Variants in MBOAT1 observed in about 807,000 individuals in gnomAD.
MBOAT1 encodes the protein membrane bound glycerophospholipid O-acyltransferase 1.
A neutral mutation model predicts 64.4 loss-of-function variants in MBOAT1; 67 were observed. The observed-to-expected ratio is 1.04, with a 90% confidence interval of 0.85 to 1.27. The LOEUF (loss-of-function observed/expected upper bound fraction) is 1.27. Ranked by LOEUF, MBOAT1 falls within the 50% of genes most tolerant of loss-of-function variation. The pLI is 0.00. For synonymous variants in MBOAT1, 229 were observed against 218.9 expected, an observed-to-expected ratio of 1.05 and a Z score of -0.41; for missense variants, 563 against 604.6, an observed-to-expected ratio of 0.93 and a Z score of 0.72.
chr6:20,211,325 C>A (rs1032857920), intron 1 of MBOAT1, among the ~76,000 whole-genome samples: 7 of 152,154 alleles, frequency 4.6e-5, no homozygotes, highest in African/African-American at 1.7e-4. Context: ...GCATGCCCTG[C>A]CCAATTCTAT....
chr6:20,184,433 A>G (rs529328568), intron 1 of MBOAT1, among the ~76,000 whole-genome samples: 1 of 152,284 alleles, frequency 6.6e-6, no homozygotes, highest in African/African-American at 2.4e-5. Context: ...TGTAGCCCAC[A>G]CTGGCAGACA....
intron 3 of MBOAT1, among the ~76,000 whole-genome samples, chr6:20,146,383 C>T (rs973742998): frequency 6.6e-6 from 1 of 152,200 alleles, no homozygotes; most frequent in African/African-American, 2.4e-5. Flanking sequence ...CTTTTATGTG[C>T]TCTTTACCAT....
intron 11 of MBOAT1, among the ~76,000 whole-genome samples, chr6:20,112,622 A>C (rs1001343632): frequency 6.6e-6 from 1 of 152,230 alleles, no homozygotes; most frequent in Non-Finnish European, 1.5e-5. Context: ...AGGGTACTAA[A>C]CATTGTCCCT....
chr6:20,152,560 TC>T, intron 2 of MBOAT1, 63 bp downstream of exon 2: 5 of 1,525,186 alleles, frequency 3.3e-6, no homozygotes, highest in Non-Finnish European at 4.4e-6. Context: ...TTAGTGCAAT[TC>T]CAAGGACATT....
chr6:20,168,640 A>AGAGGAGAGGAGAGGAGAG (rs1762096764), intron 1 of MBOAT1, among the ~76,000 whole-genome samples: 14 of 53,622 alleles, frequency 2.6e-4, no homozygotes, highest in Admixed American at 3.8e-4. Flanking sequence ...AGAGAAGAGA[A>AGAGGAGAGGAGAGGAGAG]GAGAGGAGAG....
chr6:20,202,092 A>G (rs1435675533), intron 1 of MBOAT1, among the ~76,000 whole-genome samples: 1 of 152,150 alleles, frequency 6.6e-6, no homozygotes. Flanking sequence ...AATTTCATGA[A>G]ATGACTTTTG....
chr6:20,184,880 A>AGT (rs58865791), intron 1 of MBOAT1, among the ~76,000 whole-genome samples: 8,053 of 142,912 alleles, frequency 0.056, 285 homozygotes, highest in African/African-American at 0.1. Flanking sequence ...TTATAACTGC[A>AGT]GTGTGTGTGT....
intron 1 of MBOAT1, among the ~76,000 whole-genome samples, chr6:20,177,667 G>A (rs1762382706): frequency 1.3e-5 from 2 of 151,718 alleles, no homozygotes; most frequent in South Asian, 4.2e-4. Context: ...CCAGCTACTC[G>A]GGAGGCTGAG....
chr6:20,110,653 G>A (rs957808089), intron 11 of MBOAT1, among the ~76,000 whole-genome samples: 1 of 151,832 alleles, frequency 6.6e-6, no homozygotes, highest in Non-Finnish European at 1.5e-5. Flanking sequence ...TAAAAACTTG[G>A]CACAGAGCCA....
intron 9 of MBOAT1, among the ~76,000 whole-genome samples, chr6:20,116,209 G>A (rs1209349990): frequency 6.6e-6 from 1 of 151,970 alleles, no homozygotes; most frequent in Non-Finnish European, 1.5e-5. Context: ...GCAGGCACCC[G>A]TAATCCCAGC....
chr6:20,107,795 A>C (rs2113625743), intron 12 of MBOAT1, among the ~76,000 whole-genome samples: 1 of 145,542 alleles, frequency 6.9e-6, no homozygotes, highest in African/African-American at 2.6e-5. Flanking sequence ...GCTTACAGGA[A>C]AAAAAAAAAA....
At chr6:20,111,823 TACATATATATAC>T (rs1313095317) in intron 11 of MBOAT1, among the ~76,000 whole-genome samples, 2 of 130,470 alleles carry the variant, frequency 1.5e-5, no homozygotes, top group African/African-American at 5.9e-5. Flanking sequence ...TACATATATA[TACATATATATAC>T]ACATATATAT....
intron 4 of MBOAT1, among the ~76,000 whole-genome samples, chr6:20,140,382 G>A (rs1761134326): frequency 1.3e-5 from 2 of 152,276 alleles, no homozygotes; most frequent in South Asian, 2.1e-4. Context: ...CTGGGCTCAG[G>A]GATGCTCAGA....
chr6:20,174,529 C>A (rs1190611278), intron 1 of MBOAT1, among the ~76,000 whole-genome samples: 1 of 152,102 alleles, frequency 6.6e-6, no homozygotes, highest in Non-Finnish European at 1.5e-5. Flanking sequence ...ATGAATGGAG[C>A]TTGTAGGACT....
chr6:20,150,802 G>GA (rs1029922953), intron 3 of MBOAT1, among the ~76,000 whole-genome samples: 19 of 150,176 alleles, frequency 1.3e-4, no homozygotes, highest in Non-Finnish European at 2.2e-4. Context: ...GGCTGGTCTT[G>GA]AACTCTTGAC....
At chr6:20,106,107 C>T (rs534047976) in intron 12 of MBOAT1, among the ~76,000 whole-genome samples, 1 of 152,304 alleles carries the variant, frequency 6.6e-6, no homozygotes, top group East Asian at 1.9e-4. Context: ...CTGCTAGCTA[C>T]TGAATTTAGC....
intron 2 of MBOAT1, 55 bp from the exon 3 acceptor site, chr6:20,151,317 G>A: frequency 7.7e-7 from 1 of 1,306,966 alleles, no homozygotes; most frequent in Non-Finnish European, 1.1e-6. Context: ...TATTAACACA[G>A]CTATTGGTCA....
At chr6:20,194,216 T>C (rs980459235) in intron 1 of MBOAT1, among the ~76,000 whole-genome samples, 9 of 152,222 alleles carry the variant, frequency 5.9e-5, no homozygotes, top group Non-Finnish European at 5.9e-5. Flanking sequence ...AGTTCCCATA[T>C]ATTCTGCAAC....
Position 20,112,976 on chromosome 6 carries a change from G to A in MBOAT1, c.1109C>T (p.Thr370Met), listed in dbSNP as rs76495609. Residue 370 changes from threonine (T) to methionine (M), a missense_variant, in exon 11 of 13, where the codon ACG becomes ATG. By Grantham distance (81) the Thr-to-Met change is moderately conservative. Transcript: ENST00000324607. ...AGCAGACAGGATGAAGGTTAGCACC[G>A]TGGGGTACCATGGAACCCGCTGATA... ...VCYQRVPWYPTVLTFILSALW... is the reference protein window; with the variant it reads ...VCYQRVPWYPMVLTFILSALW... The A allele has an allele frequency of 4.6e-4, 741 of 1,614,040 alleles. 1 individual carries two copies. In the African/African-American group the frequency reaches 8.4e-3, roughly 18 times the overall value.
Sources: gnomAD v4.1 joint callset for allele counts (sites outside exome capture counted in the v4.1 genomes callset) on GRCh38, gnomAD v4.1.1 for gene constraint, MANE v1.5 for transcripts, NCBI Gene and HGNC (gene_info 2026-07-23, HGNC 2026-07-21) for gene names.